Variants in LRSAM1 observed in about 807,000 individuals in gnomAD.
The protein encoded by LRSAM1 is E3 ubiquitin-protein ligase LRSAM1.
Under a neutral mutation model 118.1 loss-of-function variants are expected in LRSAM1, and 96 were observed. The ratio of observed to expected loss-of-function variants is 0.81; its 90% confidence interval spans 0.69 to 0.96. The LOEUF (loss-of-function observed/expected upper bound fraction) is 0.96, where lower values mean the gene tolerates loss of function less well. Among genes scored for constraint, LRSAM1 ranks in the 40% least tolerant of loss-of-function variants. The pLI is 0.00. For synonymous variants in LRSAM1, 322 were observed against 364.2 expected (o/e 0.88, Z 1.32); for missense variants, 804 against 915.5 (o/e 0.88, Z 1.57).
intron 9 of LRSAM1, among the ~76,000 whole-genome samples, chr9:127,464,594 A>C (rs12003794): frequency 1.0e-3 from 157 of 151,978 alleles, no homozygotes; most frequent in African/African-American, 3.5e-3. Flanking sequence ...AGCTCAGAGC[A>C]CGTTCCCAAT....
At chr9:127,456,162 C>CAAAAA (rs34459766) in intron 5 of LRSAM1, among the ~76,000 whole-genome samples, 1 of 94,774 alleles carries the variant, frequency 1.1e-5, no homozygotes, top group Non-Finnish European at 2.1e-5. Flanking sequence ...TGAGAATATG[C>CAAAAA]AAAAAAAAAA....
chr9:127,469,691 C>T (rs538460316), intron 10 of LRSAM1, among the ~76,000 whole-genome samples: 5 of 151,982 alleles, frequency 3.3e-5, no homozygotes, highest in Non-Finnish European at 4.4e-5. Flanking sequence ...AGGCCGGGCG[C>T]GGTGGCTCGC....
chr9:127,457,171 T>C (rs1382331074), intron 5 of LRSAM1, 145 bp from the exon 6 acceptor site: 3 of 810,184 alleles, frequency 3.7e-6, no homozygotes, highest in African/African-American at 1.7e-5. Flanking sequence ...GGAGAGTTCA[T>C]GATACTGACC....
At chr9:127,489,284 A>G (rs1428441063) in intron 18 of LRSAM1, among the ~76,000 whole-genome samples, 160 bp from the exon 19 acceptor site, 2 of 152,226 alleles carry the variant, frequency 1.3e-5, no homozygotes, top group Non-Finnish European at 2.9e-5. Context: ...CCCTAGTACC[A>G]TCTTAAGGTT....
At chr9:127,460,850 T>TC (rs1454640024) in intron 7 of LRSAM1, among the ~76,000 whole-genome samples, 1 of 115,248 alleles carries the variant, frequency 8.7e-6, no homozygotes, top group East Asian at 2.3e-4. Flanking sequence ...TTTCTTTCTT[T>TC]TTTTTTTTTT....
At chr9:127,479,124 G>A (rs1421956735) in intron 12 of LRSAM1, among the ~76,000 whole-genome samples, 161 bp downstream of exon 12, 1 of 152,150 alleles carries the variant, frequency 6.6e-6, no homozygotes, top group Non-Finnish European at 1.5e-5. Flanking sequence ...CATGCCTCAG[G>A]TGGGTGGTAG....
chr9:127,502,661 T>C (rs1836435671), intron 25 of LRSAM1, 113 bp from the exon 26 acceptor site: 8 of 1,316,774 alleles, frequency 6.1e-6, no homozygotes, highest in Middle Eastern at 2.8e-4. Flanking sequence ...CACTCCAGCC[T>C]GGGCAACAGA....
chr9:127,497,885 C>T (rs1379836436), intron 24 of LRSAM1, among the ~76,000 whole-genome samples: 4 of 152,236 alleles, frequency 2.6e-5, no homozygotes, highest in Non-Finnish European at 5.9e-5. Context: ...GAGGAACCTC[C>T]GGATCCATCC....
At position 127,498,536 on chromosome 9, in the gene LRSAM1, C is replaced by T. The variant is rs115235082; in HGVS notation, c.1912+1202C>T. 2.3e-3 allele frequency among the ~76,000 whole-genome samples: 357 copies of T among 152,276 alleles called. 3 individuals are homozygous for T. Among genetic ancestry groups the T allele is most frequent in the African/African-American group, 8.2e-3 (339 of 41,554 alleles). Reference sequence around the variant, plus strand: ...GGCTGCTTCTCACTGTTTGAGTCATCCCTGGAGCAAACAAGCAGGTTCTTC... The same window carrying T: ...GGCTGCTTCTCACTGTTTGAGTCATTCCTGGAGCAAACAAGCAGGTTCTTC... On this transcript the variant is annotated intron_variant, in intron 24 of 25. Coordinates refer to ENST00000300417, the MANE Select transcript of LRSAM1 (RefSeq NM_001005373.4).
At position 127,479,385 on chromosome 9, in the gene LRSAM1, A is replaced by G. The variant is rs1344070586; in HGVS notation, c.783A>G (p.Glu261=). ...NRFSDYEKRK[E]QKMLEKLEFE... Reference sequence around the variant, plus strand: ...TCACCAGGATCTGTGTCTTGCAGGAACAGAAGATGCTGGAGAAACTCGAGT... The same window carrying G: ...TCACCAGGATCTGTGTCTTGCAGGAGCAGAAGATGCTGGAGAAACTCGAGT... The change falls in exon 13 of 26, where the codon GAA becomes GAG. Residue 261 remains glutamate (E), a splice_region_variant and synonymous_variant. Coordinates refer to ENST00000300417, the MANE Select transcript of LRSAM1 (RefSeq NM_001005373.4). The G allele has an allele frequency of 6.2e-6, 10 of 1,614,100 alleles. No individual in the cohort carries two copies. Among genetic ancestry groups the G allele is most frequent in the Non-Finnish European group, 8.5e-6 (10 of 1,179,988 alleles).
At chr9:127,485,589 T>G (rs1835700318) in intron 16 of LRSAM1, 147 bp from the exon 17 acceptor site, 3 of 738,706 alleles carry the variant, frequency 4.1e-6, no homozygotes, top group South Asian at 1.5e-5. Context: ...GAACAAAGGG[T>G]TTTTTTTAAG....
At chr9:127,482,802 G>C in intron 15 of LRSAM1, 148 bp from the exon 16 acceptor site, 1 of 718,320 alleles carries the variant, frequency 1.4e-6, no homozygotes, top group East Asian at 2.7e-5. Context: ...CCCAAGGGTT[G>C]CTTGTGATGC....
In LRSAM1 at chr9:127,496,098, G is replaced by A. The variant is rs1353999820; in HGVS notation, c.1830+3G>A. On this transcript the variant is annotated splice_donor_region_variant and intron_variant, in intron 23 of 25. Transcript: ENST00000300417. ...TGAGCCCAGGGGACCTGGCCAAGGT[G>A]GGCAGCAGCCGTCTGCATGGAGGGG... 3 of 1,608,554 alleles carry A rather than the reference G, an allele frequency of 1.9e-6. No individual in the cohort carries two copies. Among genetic ancestry groups the A allele is most frequent in the East Asian group, 4.5e-5 (2 of 44,890 alleles).
At chr9:127,460,872 T>TTTC (rs1554754272) in intron 7 of LRSAM1, among the ~76,000 whole-genome samples, 3 of 141,568 alleles carry the variant, frequency 2.1e-5, no homozygotes, top group Admixed American at 6.9e-5. Context: ...TTTTTTTTTT[T>TTTC]TGAGACGGAG....
In LRSAM1 at chr9:127,495,434, G is replaced by A; in HGVS notation, c.1698+16G>A. Reference sequence around the variant, plus strand: ...GAAGCTGCAAGTAAGGACTGCTGGTGCCTGTCCCGGCCAGGGAGCCCTGGG... The same window carrying A: ...GAAGCTGCAAGTAAGGACTGCTGGTACCTGTCCCGGCCAGGGAGCCCTGGG... On this transcript the variant is annotated intron_variant, in intron 22 of 25. Transcript: ENST00000300417. 2 of 1,610,048 alleles carry A rather than the reference G, an allele frequency of 1.2e-6. No homozygotes were observed. Among genetic ancestry groups the A allele is most frequent in the Non-Finnish European group, 1.7e-6 (2 of 1,177,104 alleles).
At chr9:127,476,865 C>T (rs1014230719) in intron 11 of LRSAM1, among the ~76,000 whole-genome samples, 8 of 152,140 alleles carry the variant, frequency 5.3e-5, no homozygotes, top group Admixed American at 3.3e-4. Context: ...TTAGTAGAGA[C>T]GGGGTTTCAC....
chr9:127,493,597 C>T (rs144724942), intron 21 of LRSAM1, among the ~76,000 whole-genome samples: 40 of 152,236 alleles, frequency 2.6e-4, no homozygotes, highest in Non-Finnish European at 4.1e-4. Flanking sequence ...CAATGCTCTC[C>T]GAATGCCTTT....
At chr9:127,484,233 A>G (rs2132076232) in intron 16 of LRSAM1, among the ~76,000 whole-genome samples, 1 of 145,002 alleles carries the variant, frequency 6.9e-6, no homozygotes, top group Non-Finnish European at 1.5e-5. Context: ...GGGTTCATCC[A>G]TGTTATAGCA....
At chr9:127,495,825 C>T in intron 22 of LRSAM1, 139 bp from the exon 23 acceptor site, 1 of 1,286,422 alleles carries the variant, frequency 7.8e-7, no homozygotes, top group Non-Finnish European at 1.1e-6. Context: ...CTCTGTGTGC[C>T]TACCTATGAG....
Sources: allele counts gnomAD v4.1 joint callset (sites outside exome capture counted in the v4.1 genomes callset), GRCh38; gene constraint gnomAD v4.1.1; transcripts MANE v1.5; gene names NCBI Gene and HGNC (gene_info 2026-07-23, HGNC 2026-07-21).